Variants in MAP4K3 observed in about 807,000 individuals in gnomAD.
The protein encoded by MAP4K3 is mitogen-activated protein kinase kinase kinase kinase 3, also known as MAPK/ERK kinase kinase kinase 3.
MAP4K3 carries 94 observed loss-of-function variants against 143.5 expected under a neutral mutation model. The ratio of observed to expected loss-of-function variants is 0.65; its 90% CI spans 0.55 to 0.78. The LOEUF (loss-of-function observed/expected upper bound fraction) is 0.78. MAP4K3 is among the 30% of genes least tolerant of loss of function. MAP4K3 has a pLI of 0.00. For synonymous variants in MAP4K3, 416 were observed against 347.2 expected, an observed-to-expected ratio of 1.20 and a Z score of -2.20; for missense variants, 1,077 against 1,068.1, an observed-to-expected ratio of 1.01 and a Z score of -0.12.
At chr2:39,329,716 G>A (rs1247866874) in intron 8 of MAP4K3, among the ~76,000 whole-genome samples, 2 of 152,166 alleles carry the variant, frequency 1.3e-5, no homozygotes, top group African/African-American at 4.8e-5. Context: ...CAGGAACCAA[G>A]GAGTGAAGAG....
In MAP4K3 at chr2:39,251,902, C is replaced by G; in HGVS notation, c.2542-17G>C. 1 of 1,596,038 alleles carries G rather than the reference C, an allele frequency of 6.3e-7. No homozygotes were observed. Among genetic ancestry groups the G allele is most frequent in the African/African-American group, 1.3e-5 (1 of 74,680 alleles). ...TTGTGTTACCTGTTCAATTAAAACA[C>G]AAATTTAATTTCTGAAATTAAAGAC... is the stretch of plus-strand genomic sequence containing the variant. On this transcript the variant is annotated splice_polypyrimidine_tract_variant and intron_variant, in intron 32 of 33. Transcript: ENST00000263881.
intron 32 of MAP4K3, among the ~76,000 whole-genome samples, chr2:39,253,642 C>T (rs547990835): frequency 8.5e-5 from 13 of 152,200 alleles, no homozygotes; most frequent in Admixed American, 2.0e-4. Context: ...GGCTCATGAA[C>T]ACTGTGGTAT....
At chr2:39,326,859 G>C (rs1316534864) in intron 8 of MAP4K3, among the ~76,000 whole-genome samples, 1 of 152,124 alleles carries the variant, frequency 6.6e-6, no homozygotes, top group Non-Finnish European at 1.5e-5. Context: ...CTGCCACCTT[G>C]TGAAGAAGGT....
intron 27 of MAP4K3, among the ~76,000 whole-genome samples, chr2:39,265,938 GA>G (rs1356097839): frequency 4.6e-5 from 7 of 151,994 alleles, no homozygotes; most frequent in African/African-American, 1.7e-4. Flanking sequence ...AATATATTTG[GA>G]ATAAAGATAA....
At chr2:39,416,513 A>G (rs1667386879) in intron 1 of MAP4K3, among the ~76,000 whole-genome samples, 1 of 152,206 alleles carries the variant, frequency 6.6e-6, no homozygotes, top group Non-Finnish European at 1.5e-5. Context: ...GCAGAAAAAA[A>G]AGCTGGCCAT....
intron 2 of MAP4K3, 80 bp from the exon 3 acceptor site, chr2:39,356,419 T>C: frequency 4.0e-6 from 3 of 752,046 alleles, no homozygotes; most frequent in Non-Finnish European, 7.0e-6. Context: ...AATAAAATAA[T>C]TATACGTATT....
At chr2:39,344,009 T>A (rs1665213867) in intron 3 of MAP4K3, among the ~76,000 whole-genome samples, 1 of 152,216 alleles carries the variant, frequency 6.6e-6, no homozygotes, top group Admixed American at 6.5e-5. Flanking sequence ...ATATAGGTCA[T>A]TCCTTTGTTC....
chr2:39,407,222 T>G (rs537763875), intron 1 of MAP4K3, among the ~76,000 whole-genome samples: 1 of 151,962 alleles, frequency 6.6e-6, no homozygotes, highest in South Asian at 2.1e-4. Context: ...TGTGCCAATA[T>G]AGCAAATAGC....
rs1666266491 is a variant in MAP4K3 at position 39,378,109 on chromosome 2, G to A, written c.111C>T (p.Asn37=). Reference sequence around the variant, plus strand: ...CTTTAATTGCTGCTAATTCACCAGTGTTAACATTCCGTGCCTAAAAGAAAG... The same window carrying A: ...CTTTAATTGCTGCTAATTCACCAGTATTAACATTCCGTGCCTAAAAGAAAG... ...YGDVYKARNV[N]TGELAAIKVI... The change falls in exon 2 of 34, where the codon AAC becomes AAT. Residue 37 remains asparagine (N), a synonymous_variant. Coordinates refer to ENST00000263881, the MANE Select transcript of MAP4K3 (RefSeq NM_003618.4). 1.9e-6 allele frequency: 3 copies of A among 1,587,364 alleles called. No individual in the cohort carries two copies. The highest frequency in any genetic ancestry group is 2.7e-5 in the African/African-American group (2 of 73,818).
chr2:39,414,933 G>A (rs536292818), intron 1 of MAP4K3, among the ~76,000 whole-genome samples: 2 of 151,624 alleles, frequency 1.3e-5, no homozygotes, highest in East Asian at 3.9e-4. Flanking sequence ...TGAAAGCCAA[G>A]TATTATGTAA....
At chr2:39,340,658 A>T (rs977043178) in intron 4 of MAP4K3, among the ~76,000 whole-genome samples, 1 of 152,180 alleles carries the variant, frequency 6.6e-6, no homozygotes, top group Non-Finnish European at 1.5e-5. Flanking sequence ...TGAAATCACT[A>T]AACAATCTGA....
chr2:39,293,577 T>G (rs1284151310), intron 16 of MAP4K3, among the ~76,000 whole-genome samples: 3 of 152,196 alleles, frequency 2.0e-5, no homozygotes, highest in African/African-American at 7.2e-5. Context: ...ACAACAGTAC[T>G]GACAAAACAA....
At chr2:39,254,647 T>A in intron 31 of MAP4K3, 127 bp from the exon 32 acceptor site, 1 of 629,228 alleles carries the variant, frequency 1.6e-6, no homozygotes, top group Non-Finnish European at 2.8e-6. Context: ...TCCATATTTA[T>A]ATGGCATCTT....
chr2:39,356,559 G>T (rs1166691898), intron 2 of MAP4K3, among the ~76,000 whole-genome samples: 1 of 152,118 alleles, frequency 6.6e-6, no homozygotes, highest in African/African-American at 2.4e-5. Context: ...ATGAACTCTG[G>T]TCCCAGACTT....
In MAP4K3 at chr2:39,250,377, A is replaced by C; in HGVS notation, c.*241T>G. The C allele has an allele frequency of 2.5e-6, 1 of 403,640 alleles. No individual in the cohort carries two copies. Among genetic ancestry groups the C allele is most frequent in the Non-Finnish European group, 4.4e-6 (1 of 224,902 alleles). 25.0% of individuals were successfully genotyped at this position (403,640 alleles called of 1,614,324 possible). A position where few individuals can be genotyped will look rare whatever the true frequency, so the allele number is the denominator to read the frequency against. ...TTCAGCAATATGAAGTTTCACAGAA[A>C]AAATACTGCCTATATGTACAAAGAT... On this transcript the variant is annotated 3_prime_UTR_variant, in exon 34 of 34. Coordinates refer to ENST00000263881, the MANE Select transcript of MAP4K3 (RefSeq NM_003618.4).
intron 2 of MAP4K3, among the ~76,000 whole-genome samples, chr2:39,365,761 T>C (rs1665905921): frequency 1.3e-5 from 2 of 152,182 alleles, no homozygotes; most frequent in African/African-American, 4.8e-5. Context: ...ATTTTTAAAA[T>C]GTCCTATAGC....
At chr2:39,354,108 C>T (rs992824403) in intron 3 of MAP4K3, among the ~76,000 whole-genome samples, 5 of 151,960 alleles carry the variant, frequency 3.3e-5, no homozygotes, top group Admixed American at 3.3e-4. Flanking sequence ...AACAGGTTAG[C>T]CACCATCCTG....
intron 1 of MAP4K3, among the ~76,000 whole-genome samples, chr2:39,422,896 G>A (rs1289077987): frequency 6.6e-6 from 1 of 151,892 alleles, no homozygotes; most frequent in African/African-American, 2.4e-5. Flanking sequence ...AACACCAAAG[G>A]CATGACTCAT....
At chr2:39,401,526 G>A (rs930040143) in intron 1 of MAP4K3, among the ~76,000 whole-genome samples, 1 of 152,156 alleles carries the variant, frequency 6.6e-6, no homozygotes, top group Non-Finnish European at 1.5e-5. Flanking sequence ...AAGGCCAGGC[G>A]CTGTGGTTCA....
Sources: gnomAD v4.1 joint callset for allele counts (sites outside exome capture counted in the v4.1 genomes callset) on GRCh38, gnomAD v4.1.1 for gene constraint, MANE v1.5 for transcripts, NCBI Gene and HGNC (gene_info 2026-07-23, HGNC 2026-07-21) for gene names.